PPFIBP2: variants seen among roughly 807,000 people sequenced by gnomAD.
PPFIBP2 encodes the protein liprin-beta-2.
PPFIBP2 carries 118 observed loss-of-function variants against 118.3 expected under a neutral mutation model. The ratio of observed to expected loss-of-function variants is 1.00; its 90% CI spans 0.86 to 1.16. PPFIBP2 has a LOEUF of 1.16. Among genes scored for constraint, PPFIBP2 ranks in the 50% most tolerant of loss-of-function variants. The pLI is 0.00. For missense variants in PPFIBP2, 1,195 were observed against 1,073.1 expected, an observed-to-expected ratio of 1.11 and a Z score of -1.59; for synonymous variants, 414 against 397.4, an observed-to-expected ratio of 1.04 and a Z score of -0.50.
At chr11:7,533,282 T>G (rs1850914905) in intron 1 of PPFIBP2, among the ~76,000 whole-genome samples, 1 of 152,192 alleles carries the variant, frequency 6.6e-6, no homozygotes, top group African/African-American at 2.4e-5. Flanking sequence ...GAAAGTTCGA[T>G]GAGAGAGGCT....
At position 7,651,834 on chromosome 11, in the gene PPFIBP2, C is replaced by T. The variant is rs1174892655; in HGVS notation, c.2426C>T (p.Ala809Val). ...GCTTACACACCACTGACCACCACAG[C>T]CAAAGTCCGGGTGAGTTGCAGAGCC... is the stretch of plus-strand genomic sequence containing the variant. ...SPAYTPLTTT[A>V]KVRPRKLGFS... Residue 809 changes from alanine (A) to valine (V), a missense_variant, in exon 23 of 24, where the codon GCC becomes GTC. Transcript: ENST00000299492. 2 of 1,610,424 alleles carry T rather than the reference C, an allele frequency of 1.2e-6. No homozygotes were observed. Among genetic ancestry groups the T allele is most frequent in the Non-Finnish European group, 1.7e-6 (2 of 1,177,120 alleles).
chr11:7,561,246 A>G (rs542994863), intron 2 of PPFIBP2, among the ~76,000 whole-genome samples: 1 of 152,186 alleles, frequency 6.6e-6, no homozygotes, highest in South Asian at 2.1e-4. Flanking sequence ...TTGTATTTTT[A>G]GTAGAGAAGG....
intron 2 of PPFIBP2, among the ~76,000 whole-genome samples, chr11:7,552,728 G>A (rs1467960195): frequency 6.6e-6 from 1 of 152,096 alleles, no homozygotes; most frequent in Non-Finnish European, 1.5e-5. Flanking sequence ...CGTTCCCAGG[G>A]TGTATCTCAC....
intron 15 of PPFIBP2, 81 bp from the exon 16 acceptor site, chr11:7,641,398 G>T: frequency 6.8e-7 from 1 of 1,481,226 alleles, no homozygotes; most frequent in Non-Finnish European, 9.3e-7. Flanking sequence ...TCCCACTGAA[G>T]GGGAGGGCCC....
At chr11:7,542,431 C>T (rs944866682) in intron 1 of PPFIBP2, among the ~76,000 whole-genome samples, 1 of 152,050 alleles carries the variant, frequency 6.6e-6, no homozygotes, top group African/African-American at 2.4e-5. Flanking sequence ...ACTATATATC[C>T]ACACAATTTA....
In PPFIBP2 at chr11:7,642,176, G is replaced by A. The variant is rs553137340; in HGVS notation, c.1518-122G>A. ...TGATCCTTGATCTCTGGGAAGGTAC[G>A]GAGAAGCAGTGCTGCCGAGAGTCCC... On this transcript the variant is annotated intron_variant, in intron 16 of 23. Coordinates refer to ENST00000299492, the MANE Select transcript of PPFIBP2 (RefSeq NM_003621.5). 56 of 1,173,410 alleles carry A rather than the reference G, an allele frequency of 4.8e-5. No individual in the cohort carries two copies. The East Asian group carries it at 1.0e-3, about 21-fold the overall frequency. The allele number at this position is 1,173,410 out of a possible 1,614,324, so 72.7% of individuals were successfully genotyped here.
intron 23 of PPFIBP2, among the ~76,000 whole-genome samples, chr11:7,652,482 G>C (rs1362790305): frequency 1.3e-5 from 2 of 152,226 alleles, no homozygotes; most frequent in Non-Finnish European, 2.9e-5. Flanking sequence ...TAGTGTTGAT[G>C]CTTCATGCCC....
At chr11:7,560,300 A>G (rs1449487578) in intron 2 of PPFIBP2, among the ~76,000 whole-genome samples, 1 of 152,228 alleles carries the variant, frequency 6.6e-6, no homozygotes, top group African/African-American at 2.4e-5. Flanking sequence ...TGCAAACTAA[A>G]TGTCAAACTT....
intron 1 of PPFIBP2, among the ~76,000 whole-genome samples, chr11:7,523,785 C>G (rs1017360495): frequency 4.6e-5 from 7 of 152,180 alleles, no homozygotes; most frequent in African/African-American, 1.7e-4. Context: ...TCAGGTATGT[C>G]TCTTTCCTCC....
chr11:7,665,535 T>C, the PPFIBP2 span: 1 of 1,605,358 alleles, frequency 6.2e-7, no homozygotes, highest in Non-Finnish European at 8.5e-7. Context: ...AAGCCTGAGC[T>C]GTACTTCCAG....
rs968427120 is a variant in PPFIBP2, at chr11:7,599,678, T to C, written c.486+2005T>C. On this transcript the variant is annotated intron_variant, in intron 5 of 23. Coordinates refer to ENST00000299492, the MANE Select transcript of PPFIBP2 (RefSeq NM_003621.5). ...CGGAGTCTTTCTCAGTTGCCCAGGCTGGAGTGCGGTGGCGCGATCTCGGCT... is the reference window on the plus strand; with the variant it reads ...CGGAGTCTTTCTCAGTTGCCCAGGCCGGAGTGCGGTGGCGCGATCTCGGCT... Among the ~76,000 whole-genome samples the C allele has an allele frequency of 9.3e-5, 14 of 150,812 alleles. No homozygotes were observed. In the East Asian group the frequency reaches 1.6e-3, roughly 17 times the overall value.
intron 3 of PPFIBP2, among the ~76,000 whole-genome samples, chr11:7,589,603 C>A (rs1182290749): frequency 1.3e-5 from 2 of 151,370 alleles, no homozygotes; most frequent in Non-Finnish European, 2.9e-5. Flanking sequence ...AAAAGAACAA[C>A]CCCCTCCCAA....
chr11:7,537,898 T>C (rs1396663105), intron 1 of PPFIBP2, among the ~76,000 whole-genome samples: 1 of 152,000 alleles, frequency 6.6e-6, no homozygotes, highest in Non-Finnish European at 1.5e-5. Context: ...AACCATTCTC[T>C]GACAGACCTG....
intron 3 of PPFIBP2, among the ~76,000 whole-genome samples, chr11:7,579,611 A>G (rs1259823932): frequency 6.6e-6 from 1 of 152,210 alleles, no homozygotes; most frequent in Non-Finnish European, 1.5e-5. Context: ...CCCCTGGGGC[A>G]GATACTGTAA....
intron 5 of PPFIBP2, among the ~76,000 whole-genome samples, chr11:7,601,463 A>G (rs1861419846): frequency 2.0e-5 from 3 of 152,186 alleles, no homozygotes; most frequent in Non-Finnish European, 4.4e-5. Flanking sequence ...CATGATAGCT[A>G]CAAGCATCTC....
chr11:7,595,087 G>C (rs182809500), intron 4 of PPFIBP2, among the ~76,000 whole-genome samples: 1 of 152,292 alleles, frequency 6.6e-6, no homozygotes, highest in Non-Finnish European at 1.5e-5. Context: ...GAGCCATGCA[G>C]ATACCTGGAG....
At chr11:7,534,128 T>G (rs958540843) in intron 1 of PPFIBP2, among the ~76,000 whole-genome samples, 2 of 152,182 alleles carry the variant, frequency 1.3e-5, no homozygotes, top group Admixed American at 6.5e-5. Flanking sequence ...AATGGCACTG[T>G]AGAAAGAGCA....
intron 1 of PPFIBP2, among the ~76,000 whole-genome samples, chr11:7,522,266 A>G (rs1849824940): frequency 6.6e-6 from 1 of 152,128 alleles, no homozygotes; most frequent in Non-Finnish European, 1.5e-5. Context: ...GGAAAGAGAA[A>G]AGCGTCAAAC....
intron 1 of PPFIBP2, among the ~76,000 whole-genome samples, chr11:7,521,530 T>C (rs1460464920): frequency 2.6e-5 from 4 of 152,258 alleles, no homozygotes; most frequent in Non-Finnish European, 5.9e-5. Flanking sequence ...CTTCAGGATA[T>C]AGATCAAATT....
Sources: gnomAD v4.1 joint callset for allele counts (sites outside exome capture counted in the v4.1 genomes callset) on GRCh38, gnomAD v4.1.1 for gene constraint, MANE v1.5 for transcripts, NCBI Gene and HGNC (gene_info 2026-07-23, HGNC 2026-07-21) for gene names.